STAB2: variants seen among roughly 807,000 people sequenced by gnomAD.
The protein encoded by STAB2 is stabilin-2.
A neutral mutation model predicts 338.1 loss-of-function variants in STAB2; 288 were observed. The observed-to-expected ratio is 0.85, with a 90% CI of 0.77 to 0.94. The LOEUF is 0.94. Among genes scored for constraint, STAB2 ranks in the 40% least tolerant of loss-of-function variants. The pLI, the probability that STAB2 is intolerant of heterozygous loss-of-function variation, is 0.00. For missense variants in STAB2, 3,141 were observed against 3,210.1 expected, an observed-to-expected ratio of 0.98 and a Z score of 0.52; for synonymous variants, 1,202 against 1,193.3, an observed-to-expected ratio of 1.01 and a Z score of -0.15.
Position 103,712,363 on chromosome 12 carries a change from G to T in STAB2, c.4335-4G>T. On this transcript the variant is annotated splice_polypyrimidine_tract_variant and splice_region_variant and intron_variant, in intron 40 of 68. Transcript: ENST00000388887. ...CAAACCCCATTTGTCCTTCCTTGTTGCAGCTGCCTCACCAACTCAGATGGT... is the reference window on the plus strand; with the variant it reads ...CAAACCCCATTTGTCCTTCCTTGTTTCAGCTGCCTCACCAACTCAGATGGT... 1 of 1,613,274 alleles carries T rather than the reference G, an allele frequency of 6.2e-7. No homozygotes were observed. The highest frequency in any genetic ancestry group is 8.5e-7 in the Non-Finnish European group (1 of 1,179,178).
At position 103,705,932 on chromosome 12, in the gene STAB2, C is replaced by A. The variant is rs546693887; in HGVS notation, c.3996+205C>A. ...TAATCCAGAAAATGGGTAAAAGCTG[C>A]AATTCAATTCAGTTTCATGATGAAA... On this transcript the variant is annotated intron_variant, in intron 37 of 68. Coordinates refer to ENST00000388887, the MANE Select transcript of STAB2 (RefSeq NM_017564.10). 4.5e-4 allele frequency among the ~76,000 whole-genome samples: 69 copies of A among 152,206 alleles called. 2 individuals are homozygous for A. Among genetic ancestry groups the A allele is most frequent in the African/African-American group, 1.4e-3 (58 of 41,536 alleles).
At chr12:103,758,657 A>G (rs1436456581) in intron 64 of STAB2, among the ~76,000 whole-genome samples, 1 of 152,234 alleles carries the variant, frequency 6.6e-6, no homozygotes, top group African/African-American at 2.4e-5. Flanking sequence ...GATAGGTCAC[A>G]TGACTGAGCC....
At chr12:103,695,959 T>C in intron 33 of STAB2, 115 bp downstream of exon 33, 1 of 968,162 alleles carries the variant, frequency 1.0e-6, no homozygotes. Context: ...CATAGCCACA[T>C]ACTTGACGTA....
intron 63 of STAB2, among the ~76,000 whole-genome samples, chr12:103,756,635 C>A (rs1187586290): frequency 6.6e-6 from 1 of 152,176 alleles, no homozygotes; most frequent in African/African-American, 2.4e-5. Context: ...TCCAGCCTCC[C>A]CCTCATGCTT....
Position 103,731,651 on chromosome 12 carries a change from A to C in STAB2, c.5283+16A>C. On this transcript the variant is annotated intron_variant, in intron 50 of 68. Transcript: ENST00000388887. ...CTTAATACAGGTAAAAATTTAGGGG[A>C]AGTTGACTCAGAGGATAACCTGCCT... The C allele has an allele frequency of 6.2e-7, 1 of 1,609,466 alleles. No individual in the cohort carries two copies. Among genetic ancestry groups the C allele is most frequent in the Non-Finnish European group, 8.5e-7 (1 of 1,178,248 alleles).
intron 34 of STAB2, among the ~76,000 whole-genome samples, chr12:103,700,690 C>G (rs1047360813): frequency 6.6e-6 from 1 of 152,128 alleles, no homozygotes; most frequent in Admixed American, 6.5e-5. Context: ...AGATTAATGC[C>G]CAATGCAGTT....
intron 31 of STAB2, among the ~76,000 whole-genome samples, chr12:103,694,533 C>A (rs552261180): frequency 2.9e-4 from 44 of 152,248 alleles, no homozygotes; most frequent in African/African-American, 1.1e-3. Flanking sequence ...AGTGCAAAAA[C>A]AGACTTAGAC....
Position 103,755,451 on chromosome 12 carries a change from C to T in STAB2, c.6864C>T (p.Phe2288=), listed in dbSNP as rs34342881. The change falls in exon 62 of 69, where the codon TTC becomes TTT. Residue 2288 remains phenylalanine (F), a synonymous_variant. Transcript: ENST00000388887. ...ACAAGAGTGAAATGTGGGATGTCTTCTGCTATCGGATGAAAGGTAACCGCC... is the reference window on the plus strand; with the variant it reads ...ACAAGAGTGAAATGTGGGATGTCTTTTGCTATCGGATGAAAGGTAACCGCC... ...RPNKSEMWDV[F]CYRMKDVNCT... The T allele has an allele frequency of 4.7e-4, 762 of 1,614,032 alleles. 4 individuals carry two copies. The African/African-American group carries it at 9.5e-3, about 20-fold the overall frequency.
rs771018898 is a variant in STAB2, at chr12:103,753,266, T to C, written c.6627T>C (p.Tyr2209=). ...ATCTACGCTCCCCACTGGGCCAGTA[T>C]AAGCTGACCTTTGACAAAGCCAGAG... ...VFHLRSPLGQ[Y]KLTFDKAREA... is the part of the protein sequence containing the mutation. The change falls in exon 61 of 69, where the codon TAT becomes TAC. Residue 2209 remains tyrosine (Y), a synonymous_variant. Transcript: ENST00000388887. The C allele has an allele frequency of 6.2e-7, 1 of 1,614,220 alleles. No homozygotes were observed. Among genetic ancestry groups the C allele is most frequent in the East Asian group, 2.2e-5 (1 of 44,890 alleles).
chr12:103,765,086 C>CAAAAA (rs56002429), intron 68 of STAB2, among the ~76,000 whole-genome samples: 1 of 66,516 alleles, frequency 1.5e-5, no homozygotes, highest in African/African-American at 6.7e-5. Flanking sequence ...GACTCTGTCT[C>CAAAAA]AAAAAAAAAA....
chr12:103,729,681 T>G (rs185716657), intron 48 of STAB2, among the ~76,000 whole-genome samples: 50 of 152,286 alleles, frequency 3.3e-4, no homozygotes, highest in Admixed American at 1.4e-3. Flanking sequence ...TTTGGTAGCA[T>G]TAGTCAGAAG....
At chr12:103,756,438 C>A (rs1296175044) in intron 63 of STAB2, among the ~76,000 whole-genome samples, 4 of 151,930 alleles carry the variant, frequency 2.6e-5, no homozygotes, top group African/African-American at 9.7e-5. Context: ...CATTGTCTCC[C>A]CAAACCCTCA....
At chr12:103,700,950 C>T (rs1057166101) in intron 34 of STAB2, among the ~76,000 whole-genome samples, 2 of 150,758 alleles carry the variant, frequency 1.3e-5, no homozygotes, top group Non-Finnish European at 3.0e-5. Flanking sequence ...CACCCACTAA[C>T]TCGTCATCTA....
At chr12:103,744,852 A>G (rs1186698720) in intron 56 of STAB2, among the ~76,000 whole-genome samples, 1 of 152,136 alleles carries the variant, frequency 6.6e-6, no homozygotes, top group Non-Finnish European at 1.5e-5. Flanking sequence ...TGCGTACCCC[A>G]TGATACTCTC....
chr12:103,711,842 A>G (rs138476086), intron 40 of STAB2, among the ~76,000 whole-genome samples: 59 of 152,334 alleles, frequency 3.9e-4, no homozygotes, highest in African/African-American at 1.4e-3. Context: ...GACTCACAGC[A>G]AGTCATAACT....
chr12:103,620,612 T>C, intron 4 of STAB2, 59 bp downstream of exon 4: 1 of 1,370,422 alleles, frequency 7.3e-7, no homozygotes. Context: ...TCTTACCTGT[T>C]GATCCTCCTT....
intron 3 of STAB2, 48 bp downstream of exon 3, chr12:103,594,558 A>C (rs771348556): frequency 1.8e-5 from 25 of 1,424,226 alleles, no homozygotes; most frequent in Admixed American, 1.2e-4. Flanking sequence ...TTGGTATCTC[A>C]TTTGGTAGAA....
At chr12:103,713,853 T>A in intron 42 of STAB2, 85 bp downstream of exon 42, 2 of 1,565,142 alleles carry the variant, frequency 1.3e-6, no homozygotes, top group Non-Finnish European at 1.7e-6. Context: ...GCCCTGATTA[T>A]CAGGACACAA....
At chr12:103,724,408 G>A (rs188618054) in intron 44 of STAB2, among the ~76,000 whole-genome samples, 1 of 152,328 alleles carries the variant, frequency 6.6e-6, no homozygotes, top group African/African-American at 2.4e-5. Context: ...TTGTGAGGAA[G>A]GGGCCTATGG....
Sources: gnomAD v4.1 joint callset for allele counts (sites outside exome capture counted in the v4.1 genomes callset) on GRCh38, gnomAD v4.1.1 for gene constraint, MANE v1.5 for transcripts, NCBI Gene and HGNC (gene_info 2026-07-23, HGNC 2026-07-21) for gene names.